Variants in SPC25 observed in about 807,000 individuals in gnomAD.
The protein encoded by SPC25 is SPC25 component of NDC80 kinetochore complex.
In SPC25, 22 loss-of-function variants were observed where a neutral mutation model predicts 29.6. The observed-to-expected ratio is 0.74, with a 90% CI of 0.53 to 1.06. The LOEUF is 1.06. Among genes scored for constraint, SPC25 ranks in the 50% least tolerant of loss-of-function variants. SPC25 has a pLI of 0.00. For missense variants in SPC25, 230 were observed against 255.8 expected (o/e 0.90, Z 0.69); for synonymous variants, 91 against 90.4 (o/e 1.01, Z -0.04).
intron 4 of SPC25, among the ~76,000 whole-genome samples, chr2:168,864,212 C>A (rs1040081332): frequency 6.6e-6 from 1 of 151,800 alleles, no homozygotes; most frequent in African/African-American, 2.4e-5. Context: ...AAGTAATCTG[C>A]CTAATCTGCC....
intron 4 of SPC25, chr2:168,861,980 A>G (rs1267166835): frequency 1.2e-6 from 2 of 1,614,082 alleles, no homozygotes; most frequent in Admixed American, 1.7e-5. Context: ...AGCCCAGCTC[A>G]GCAGCAGACT....
At chr2:168,887,467 T>C (rs1347663386) in intron 3 of SPC25, among the ~76,000 whole-genome samples, 3 of 149,820 alleles carry the variant, frequency 2.0e-5, no homozygotes, top group Non-Finnish European at 4.4e-5. Flanking sequence ...AAAGTAAACA[T>C]GGGTAAAAGT....
At chr2:168,865,309 G>T in intron 4 of SPC25, 1 of 202,840 alleles carries the variant, frequency 4.9e-6, no homozygotes. Flanking sequence ...TTATCTGGTA[G>T]ACAACAGCAG....
chr2:168,865,057 A>G (rs1339766962), intron 4 of SPC25: 9 of 1,440,946 alleles, frequency 6.2e-6, no homozygotes, highest in Non-Finnish European at 7.6e-6. Flanking sequence ...TTACCTTTAC[A>G]TGTTTTTCTT....
chr2:168,876,746 T>C (rs998427780), intron 4 of SPC25, among the ~76,000 whole-genome samples: 5 of 152,116 alleles, frequency 3.3e-5, no homozygotes, highest in African/African-American at 1.2e-4. Flanking sequence ...CAAACTTTGC[T>C]ATTTTCAGAT....
intron 4 of SPC25, among the ~76,000 whole-genome samples, chr2:168,864,075 C>T (rs372440183): frequency 2.0e-5 from 3 of 151,860 alleles, no homozygotes; most frequent in Admixed American, 2.0e-4. Context: ...TCAAGTGATT[C>T]TCCTGCCTCA....
At chr2:168,868,450 G>T (rs907409364), downstream of SPC25, among the ~76,000 whole-genome samples, 1 of 152,158 alleles carries the variant, frequency 6.6e-6, no homozygotes, top group African/African-American at 2.4e-5. Context: ...AAAATTGATA[G>T]ACAGCTAGCA....
chr2:168,871,269 G>C lies in SPC25; in HGVS notation c.*162C>G, dbSNP rs1222515409. On this transcript the variant is annotated 3_prime_UTR_variant, in exon 7 of 7. Coordinates refer to ENST00000282074, the MANE Select transcript of SPC25 (RefSeq NM_020675.4). ...ATACCTAATGAAATGACGAGTTAAT[G>C]GGTGCAGCACACCAATATGGCACAT... 1 of 510,694 alleles carries C rather than the reference G, an allele frequency of 2.0e-6. No individual in the cohort carries two copies. The highest frequency in any genetic ancestry group is 2.0e-5 in the African/African-American group (1 of 49,260). The allele number at this position is 510,694 out of a possible 1,614,324, so 31.6% of individuals were successfully genotyped here. A position where few individuals can be genotyped will look rare whatever the true frequency, so the allele number is the denominator to read the frequency against.
At chr2:168,862,207 A>G (rs753939675) in intron 4 of SPC25, among the ~76,000 whole-genome samples, 1 of 152,252 alleles carries the variant, frequency 6.6e-6, no homozygotes, top group African/African-American at 2.4e-5. Flanking sequence ...AAGCTCGCAT[A>G]ATGATAATAG....
chr2:168,874,432 G>A (rs499160), intron 5 of SPC25, among the ~76,000 whole-genome samples: 124,894 of 152,140 alleles, frequency 0.82, 51,303 homozygotes, highest in East Asian at 0.91. Flanking sequence ...GTATGCCAAT[G>A]TTCATAGCAG....
At chr2:168,873,198 A>G (rs1293543333) in intron 6 of SPC25, among the ~76,000 whole-genome samples, 2 of 152,200 alleles carry the variant, frequency 1.3e-5, no homozygotes, top group Non-Finnish European at 2.9e-5. Flanking sequence ...GTGACTTTAC[A>G]TTTGATTTTA....
In SPC25 at chr2:168,885,609, G is replaced by A. The variant is rs1451428805; in HGVS notation, c.199+3617C>T. Among the ~76,000 whole-genome samples the A allele has an allele frequency of 3.9e-5, 6 of 152,148 alleles. No homozygotes were observed. In the East Asian group the frequency reaches 1.2e-3, roughly 29 times the overall value. On this transcript the variant is annotated intron_variant, in intron 3 of 6. Transcript: ENST00000282074. ...CTTCTCCACCACTCCCCATCCACAG[G>A]GTACTCTAGCCATCCCAGAACTTAA...
At chr2:168,863,743 T>C (rs965700948) in intron 4 of SPC25, 28 of 782,904 alleles carry the variant, frequency 3.6e-5, no homozygotes, top group Non-Finnish European at 4.0e-5. Context: ...AAGAAAAGAC[T>C]GTTGGTGAGA....
intron 4 of SPC25, among the ~76,000 whole-genome samples, chr2:168,876,740 CTT>C (rs1325134167): frequency 6.6e-6 from 1 of 151,780 alleles, no homozygotes; most frequent in African/African-American, 2.4e-5. Context: ...ACAAAACAAA[CTT>C]TGCTATTTTC....
At chr2:168,887,667 G>T (rs1690293669) in intron 3 of SPC25, among the ~76,000 whole-genome samples, 1 of 152,040 alleles carries the variant, frequency 6.6e-6, no homozygotes, top group Non-Finnish European at 1.5e-5. Flanking sequence ...TTTGAACTGT[G>T]GACACATGTT....
At chr2:168,870,676 A>G (rs1689962428), downstream of SPC25, among the ~76,000 whole-genome samples, 1 of 151,496 alleles carries the variant, frequency 6.6e-6, no homozygotes, top group Non-Finnish European at 1.5e-5. Flanking sequence ...CACACCAGTT[A>G]GAATGGCAAT....
chr2:168,889,792 G>C (rs993562151), intron 1 of SPC25, among the ~76,000 whole-genome samples: 3 of 152,116 alleles, frequency 2.0e-5, no homozygotes, highest in Non-Finnish European at 4.4e-5. Context: ...CACGCACTAT[G>C]ACCCTGGGTC....
intron 3 of SPC25, among the ~76,000 whole-genome samples, chr2:168,888,924 CGTGTGTGTGTGT>C (rs375198489): frequency 1.5e-4 from 13 of 87,506 alleles, no homozygotes; most frequent in African/African-American, 5.0e-4. Context: ...ACTACATGTA[CGTGTGTGTGTGT>C]GTGTGTGTGT....
At chr2:168,863,832 A>T (rs895797281) in intron 4 of SPC25, among the ~76,000 whole-genome samples, 4 of 152,208 alleles carry the variant, frequency 2.6e-5, no homozygotes, top group Non-Finnish European at 5.9e-5. Context: ...ACCAAGAAAG[A>T]GTTTGGTGAC....
Sources: allele counts gnomAD v4.1 joint callset (sites outside exome capture counted in the v4.1 genomes callset), GRCh38; gene constraint gnomAD v4.1.1; transcripts MANE v1.5; gene names NCBI Gene and HGNC (gene_info 2026-07-23, HGNC 2026-07-21).